Variants in LRP1B observed in about 807,000 individuals in gnomAD.
LRP1B encodes the protein LDL receptor related protein 1B, also known as low-density lipoprotein receptor-related protein 1B.
Under a neutral mutation model 556.6 loss-of-function variants are expected in LRP1B, and 217 were observed. That is an observed-to-expected ratio of 0.39 (90% CI 0.35 to 0.44). The LOEUF is 0.44. Ranked by LOEUF, LRP1B falls within the 20% of genes least tolerant of loss-of-function variation. The pLI, the probability that LRP1B is intolerant of heterozygous loss-of-function variation, is 1.00. For synonymous variants in LRP1B, 2,047 were observed against 1,865.8 expected (o/e 1.10, Z -2.50); for missense variants, 5,053 against 5,620.8 (o/e 0.90, Z 3.23).
At chr2:141,272,410 C>A (rs1037612715) in intron 3 of LRP1B, among the ~76,000 whole-genome samples, 5 of 151,484 alleles carry the variant, frequency 3.3e-5, no homozygotes, top group African/African-American at 1.2e-4. Flanking sequence ...AATAGAAATC[C>A]AAAAATGACA....
chr2:142,001,311 A>C (rs1326706681), intron 1 of LRP1B, among the ~76,000 whole-genome samples: 1 of 152,144 alleles, frequency 6.6e-6, no homozygotes, highest in Non-Finnish European at 1.5e-5. Flanking sequence ...CCATATCTTC[A>C]TTGTGCATTG....
chr2:140,295,317 T>C (rs1017772995), intron 84 of LRP1B, among the ~76,000 whole-genome samples: 1 of 152,184 alleles, frequency 6.6e-6, no homozygotes, highest in African/African-American at 2.4e-5. Context: ...GGTAGGGGCA[T>C]CTACATATGT....
chr2:141,880,827 T>C (rs911899438), intron 1 of LRP1B, among the ~76,000 whole-genome samples: 1 of 151,992 alleles, frequency 6.6e-6, no homozygotes, highest in African/African-American at 2.4e-5. Flanking sequence ...GGTGAATACA[T>C]CATCGTGAAT....
intron 43 of LRP1B, among the ~76,000 whole-genome samples, chr2:140,547,957 A>AG (rs1397089080): frequency 6.6e-6 from 1 of 150,746 alleles, no homozygotes; most frequent in Non-Finnish European, 1.5e-5. Context: ...CCCTGTAATC[A>AG]GGAAAAAAAA....
chr2:141,296,170 A>G (rs535913799), intron 3 of LRP1B, among the ~76,000 whole-genome samples: 5 of 152,320 alleles, frequency 3.3e-5, no homozygotes, highest in African/African-American at 1.2e-4. Context: ...GAATTTAGTG[A>G]TAAGCTATCC....
intron 2 of LRP1B, among the ~76,000 whole-genome samples, chr2:141,667,161 T>C (rs577713452): frequency 6.6e-6 from 1 of 152,332 alleles, no homozygotes; most frequent in South Asian, 2.1e-4. Flanking sequence ...GCTACCGTAC[T>C]GTACTTACCA....
chr2:140,355,189 C>T (rs1163969068), intron 75 of LRP1B, among the ~76,000 whole-genome samples: 4 of 151,386 alleles, frequency 2.6e-5, no homozygotes. Context: ...AATATAATTT[C>T]TAAATTTAGT....
chr2:141,077,710 G>A (rs1699825599), intron 7 of LRP1B, among the ~76,000 whole-genome samples: 1 of 152,166 alleles, frequency 6.6e-6, no homozygotes, highest in African/African-American at 2.4e-5. Context: ...TTGCCTGAGA[G>A]TTCCAGCCTT....
At chr2:142,004,268 A>C (rs1702740081) in intron 1 of LRP1B, among the ~76,000 whole-genome samples, 1 of 152,108 alleles carries the variant, frequency 6.6e-6, no homozygotes, top group Non-Finnish European at 1.5e-5. Context: ...ACACAGATCT[A>C]TGATTTTAAT....
intron 35 of LRP1B, among the ~76,000 whole-genome samples, chr2:140,724,635 TC>T (rs1687524927): frequency 6.6e-6 from 1 of 152,192 alleles, no homozygotes; most frequent in Admixed American, 6.5e-5. Context: ...TACACTATTT[TC>T]AGTTAATGTA....
At chr2:141,064,083 A>G (rs1053165889) in intron 7 of LRP1B, among the ~76,000 whole-genome samples, 2 of 151,958 alleles carry the variant, frequency 1.3e-5, no homozygotes, top group African/African-American at 4.8e-5. Context: ...GCGTCTCAAG[A>G]CAAGAACCTT....
intron 11 of LRP1B, among the ~76,000 whole-genome samples, chr2:141,020,563 T>C (rs1459988158): frequency 2.0e-5 from 3 of 151,990 alleles, no homozygotes; most frequent in Admixed American, 6.6e-5. Flanking sequence ...AATATGAATG[T>C]CCTCTTGCCC....
intron 41 of LRP1B, among the ~76,000 whole-genome samples, chr2:140,663,298 C>T (rs1401415347): frequency 1.3e-5 from 2 of 152,066 alleles, no homozygotes; most frequent in Admixed American, 6.6e-5. Context: ...TCATCATCAT[C>T]GAGTATTCAC....
At chr2:141,691,327 C>T (rs895084207) in intron 2 of LRP1B, among the ~76,000 whole-genome samples, 1 of 151,628 alleles carries the variant, frequency 6.6e-6, no homozygotes, top group South Asian at 2.1e-4. Context: ...ATATTATTTT[C>T]TAGTGTTCTT....
At chr2:141,764,832 C>T (rs12472731) in intron 2 of LRP1B, among the ~76,000 whole-genome samples, 15,774 of 152,068 alleles carry the variant, frequency 0.1, 896 homozygotes, top group Middle Eastern at 0.22. Flanking sequence ...ATACTTATAA[C>T]GCAACAAGAT....
intron 3 of LRP1B, among the ~76,000 whole-genome samples, chr2:141,449,160 T>C (rs1463549913): frequency 6.6e-6 from 1 of 152,188 alleles, no homozygotes; most frequent in Non-Finnish European, 1.5e-5. Flanking sequence ...TCCCTTTTAT[T>C]CTAGTTGGAA....
intron 78 of LRP1B, 99 bp from the exon 79 acceptor site, chr2:140,334,658 A>C: frequency 1.6e-6 from 1 of 619,714 alleles, no homozygotes. Context: ...GTGCCTCAGA[A>C]TCACCCCAGA....
intron 3 of LRP1B, among the ~76,000 whole-genome samples, chr2:141,371,663 G>A (rs1016514408): frequency 5.3e-5 from 8 of 151,792 alleles, no homozygotes; most frequent in African/African-American, 1.9e-4. Context: ...TTGGTCCTTG[G>A]CTAGATCATT....
At chr2:140,470,930 G>T (rs1397269716) in intron 60 of LRP1B, among the ~76,000 whole-genome samples, 1 of 152,094 alleles carries the variant, frequency 6.6e-6, no homozygotes, top group Non-Finnish European at 1.5e-5. Flanking sequence ...AGTTTGAGGA[G>T]ATCCTTTCAC....
Sources: gnomAD v4.1 joint callset for allele counts (sites outside exome capture counted in the v4.1 genomes callset) on GRCh38, gnomAD v4.1.1 for gene constraint, MANE v1.5 for transcripts, NCBI Gene and HGNC (gene_info 2026-07-23, HGNC 2026-07-21) for gene names.